Variants in TNIK observed in about 807,000 individuals in gnomAD.
The protein encoded by TNIK is TRAF2 and NCK interacting kinase, also known as TRAF2 and NCK-interacting protein kinase.
Under a neutral mutation model 191.3 loss-of-function variants are expected in TNIK, and 49 were observed. That is an observed-to-expected ratio of 0.26 (90% CI 0.20 to 0.32). The LOEUF is 0.32. Among genes scored for constraint, TNIK ranks in the 10% least tolerant of loss-of-function variants. The probability of loss-of-function intolerance (pLI) is 1.00; values close to 1 mark genes in which losing one functional copy is unlikely to be tolerated. For missense variants in TNIK, 1,155 were observed against 1,702.3 expected, an observed-to-expected ratio of 0.68 and a Z score of 5.66; for synonymous variants, 594 against 600.9, an observed-to-expected ratio of 0.99 and a Z score of 0.17.
intron 1 of TNIK, among the ~76,000 whole-genome samples, chr3:171,433,209 GA>G (rs11368159): frequency 0.57 from 86,714 of 151,798 alleles, 25,551 homozygotes; most frequent in Middle Eastern, 0.64. Flanking sequence ...AAACACTAAA[GA>G]AAGTAGAATA....
At chr3:171,149,252 T>C (rs1560183406) in intron 12 of TNIK, among the ~76,000 whole-genome samples, 1 of 152,192 alleles carries the variant, frequency 6.6e-6, no homozygotes, top group Non-Finnish European at 1.5e-5. Context: ...GTCCATTGCA[T>C]GCAGGCACTA....
intron 2 of TNIK, among the ~76,000 whole-genome samples, chr3:171,274,172 C>T (rs755132988): frequency 1.3e-5 from 2 of 152,144 alleles, no homozygotes; most frequent in African/African-American, 4.8e-5. Context: ...ACAAGGAAAA[C>T]GCTTAACAAA....
rs1021377262 is a variant in TNIK at position 171,333,767 on chromosome 3, T to C, written c.123+35853A>G. ...ATCCTACTACAAGGTCTTTCAAAGA[T>C]TTTAGCAAGGCCCCAGATAGTAACC... On this transcript the variant is annotated intron_variant, in intron 2 of 32. Coordinates refer to ENST00000436636, the MANE Select transcript of TNIK (RefSeq NM_015028.4). 2.0e-5 allele frequency among the ~76,000 whole-genome samples: 3 copies of C among 152,142 alleles called. No homozygotes were observed. The East Asian group carries it at 5.8e-4, about 29-fold the overall frequency.
intron 2 of TNIK, among the ~76,000 whole-genome samples, chr3:171,344,016 C>G (rs955568440): frequency 6.6e-6 from 1 of 152,182 alleles, no homozygotes; most frequent in Admixed American, 6.5e-5. Context: ...CCCTCCTTCC[C>G]ATTGCTCAAC....
intron 28 of TNIK, among the ~76,000 whole-genome samples, chr3:171,074,050 T>C (rs1719572459): frequency 6.8e-6 from 1 of 146,976 alleles, no homozygotes; most frequent in Non-Finnish European, 1.5e-5. Context: ...TTTTTTTAAA[T>C]CAAAAGGGCA....
At chr3:171,164,402 A>T (rs144665305) in intron 10 of TNIK, among the ~76,000 whole-genome samples, 289 of 152,364 alleles carry the variant, frequency 1.9e-3, no homozygotes, top group Middle Eastern at 6.8e-3. Flanking sequence ...AATTGCCTAC[A>T]TAAGAATAAC....
chr3:171,416,559 C>T (rs1306919086), intron 1 of TNIK, among the ~76,000 whole-genome samples: 1 of 152,152 alleles, frequency 6.6e-6, no homozygotes, highest in Non-Finnish European at 1.5e-5. Context: ...TCATCAGCTA[C>T]ATCCATTTAC....
chr3:171,084,608 A>T (rs967875806), intron 25 of TNIK, among the ~76,000 whole-genome samples: 1 of 152,226 alleles, frequency 6.6e-6, no homozygotes, highest in African/African-American at 2.4e-5. Flanking sequence ...TCTTGTATAT[A>T]GGCAAAAAAG....
At chr3:171,451,538 C>T (rs187603038) in intron 1 of TNIK, among the ~76,000 whole-genome samples, 11 of 152,346 alleles carry the variant, frequency 7.2e-5, no homozygotes, top group African/African-American at 2.4e-4. Flanking sequence ...TGAGGGTAGT[C>T]TGCTATGCAG....
At chr3:171,371,394 A>C (rs886309337) in intron 1 of TNIK, among the ~76,000 whole-genome samples, 4 of 152,252 alleles carry the variant, frequency 2.6e-5, no homozygotes, top group Non-Finnish European at 4.4e-5. Flanking sequence ...AAACAAAAAC[A>C]AAAAGCAAAC....
At chr3:171,305,127 TAATA>T (rs139692012) in intron 2 of TNIK, among the ~76,000 whole-genome samples, 7,674 of 150,524 alleles carry the variant, frequency 0.051, 222 homozygotes, top group Middle Eastern at 0.062. Flanking sequence ...AAAACAGTGC[TAATA>T]AACACTAGAT....
chr3:171,063,245 G>C lies in TNIK; in HGVS notation c.*636C>G, dbSNP rs139801494. On this transcript the variant is annotated 3_prime_UTR_variant, in exon 33 of 33. Transcript: ENST00000436636. ...GCCATTTAAAATCTATTTCCCAAAA[G>C]AGGGGAAAACTAGTATTTTTCTTCT... 1 of 152,298 alleles carries C rather than the reference G, an allele frequency of 6.6e-6. No homozygotes were observed. Among genetic ancestry groups the C allele is most frequent in the Non-Finnish European group, 1.5e-5 (1 of 68,012 alleles). The allele number at this position is 152,298 out of a possible 1,614,324, so 9.4% of individuals were successfully genotyped here. A position where few individuals can be genotyped will look rare whatever the true frequency, so the allele number is the denominator to read the frequency against.
chr3:171,113,600 T>C (rs1408240884), intron 18 of TNIK, among the ~76,000 whole-genome samples: 2 of 150,726 alleles, frequency 1.3e-5, no homozygotes, highest in Non-Finnish European at 3.0e-5. Context: ...AGCGAGACTC[T>C]GTCTGTCTCG....
intron 28 of TNIK, among the ~76,000 whole-genome samples, chr3:171,074,412 C>T (rs940110791): frequency 1.8e-4 from 27 of 152,010 alleles, no homozygotes; most frequent in African/African-American, 4.3e-4. Context: ...GTATAATGTT[C>T]GCAATTTGGC....
chr3:171,360,170 A>G (rs781344375), intron 2 of TNIK, among the ~76,000 whole-genome samples: 3 of 152,220 alleles, frequency 2.0e-5, no homozygotes, highest in Non-Finnish European at 2.9e-5. Flanking sequence ...GAAATTTTGT[A>G]TCATCATTCA....
chr3:171,335,027 CAAA>C (rs371457413), intron 2 of TNIK, among the ~76,000 whole-genome samples: 6 of 114,614 alleles, frequency 5.2e-5, no homozygotes, highest in African/African-American at 1.5e-4. Context: ...CCCCAACTGC[CAAA>C]AAAAAAAAAA....
intron 2 of TNIK, among the ~76,000 whole-genome samples, chr3:171,350,480 TTC>T (rs1399834611): frequency 6.6e-6 from 1 of 152,046 alleles, no homozygotes; most frequent in Non-Finnish European, 1.5e-5. Flanking sequence ...TTCAAATATT[TTC>T]TGTTAATTCT....
chr3:171,334,875 CT>C (rs58249552), intron 2 of TNIK, among the ~76,000 whole-genome samples: 81,535 of 145,940 alleles, frequency 0.56, 22,422 homozygotes, highest in East Asian at 0.64. Flanking sequence ...TTATAAGTTT[CT>C]TTTTTTTTTT....
At chr3:171,092,536 T>C (rs141565676) in intron 23 of TNIK, among the ~76,000 whole-genome samples, 2 of 152,346 alleles carry the variant, frequency 1.3e-5, no homozygotes, top group East Asian at 3.9e-4. Flanking sequence ...ATTGAAATTA[T>C]CCATTAACCA....
Sources: allele counts gnomAD v4.1 joint callset (sites outside exome capture counted in the v4.1 genomes callset), GRCh38; gene constraint gnomAD v4.1.1; transcripts MANE v1.5; gene names NCBI Gene and HGNC (gene_info 2026-07-23, HGNC 2026-07-21).